The following TMPRSS15 variants were observed in gnomAD, a reference collection of about 807,000 sequenced individuals.
The protein encoded by TMPRSS15 is transmembrane serine protease 15.
In TMPRSS15, 128 loss-of-function variants were observed where a neutral mutation model predicts 125.3. The observed-to-expected ratio is 1.02, with a 90% CI of 0.89 to 1.18. The LOEUF is 1.18. Among genes scored for constraint, TMPRSS15 ranks in the 50% most tolerant of loss-of-function variants. The pLI is 0.00. For missense variants in TMPRSS15, 1,283 were observed against 1,212.7 expected, an observed-to-expected ratio of 1.06 and a Z score of -0.86; for synonymous variants, 446 against 423.2, an observed-to-expected ratio of 1.05 and a Z score of -0.66.
At chr21:18,373,632 T>C (rs531665641) in intron 5 of TMPRSS15, among the ~76,000 whole-genome samples, 1 of 152,318 alleles carries the variant, frequency 6.6e-6, no homozygotes, top group Non-Finnish European at 1.5e-5. Context: ...GTGTCTTATT[T>C]TACAAGTAGC....
intron 1 of TMPRSS15, among the ~76,000 whole-genome samples, chr21:18,433,763 T>C (rs907199437): frequency 1.3e-5 from 2 of 151,834 alleles, no homozygotes; most frequent in Non-Finnish European, 2.9e-5. Flanking sequence ...CAGATATACC[T>C]TCTAGCTGTT....
At chr21:18,457,097 T>C (rs1200945215) in intron 1 of TMPRSS15, among the ~76,000 whole-genome samples, 8 of 152,108 alleles carry the variant, frequency 5.3e-5, no homozygotes, top group Non-Finnish European at 1.2e-4. Flanking sequence ...TATCTAAGCC[T>C]CAATTTCCTA....
At position 18,403,546 on chromosome 21, in the gene TMPRSS15, G is replaced by T; in HGVS notation, c.77C>A (p.Ala26Asp). The T allele has an allele frequency of 6.2e-7, 1 of 1,614,128 alleles. No individual in the cohort carries two copies. Among genetic ancestry groups the T allele is most frequent in the African/African-American group, 1.3e-5 (1 of 75,050 alleles). The change falls in exon 1 of 25, where the codon GCC becomes GAC. Residue 26 changes from alanine to aspartate, a missense_variant. Coordinates refer to ENST00000284885, the MANE Select transcript of TMPRSS15 (RefSeq NM_002772.3). Reference protein sequence around the residue: ...SYEIMFAALFAILVVLCAGLI... With the variant: ...SYEIMFAALFDILVVLCAGLI... ...TCCAGCACAGAGCACTACCAATATG[G>T]CAAAGAGAGCTGCAAACATGATTTC... is the stretch of plus-strand genomic sequence containing the variant.
rs568496761 is a variant in TMPRSS15, at chr21:18,333,177, T to C, written c.1565-1004A>G. On this transcript the variant is annotated intron_variant, in intron 13 of 24. Coordinates refer to ENST00000284885, the MANE Select transcript of TMPRSS15 (RefSeq NM_002772.3). ...TTAATAGCTGGGTGATAAAATAATC[T>C]GTACAACCAACCTCCATGACACGAG... 3.5e-4 allele frequency among the ~76,000 whole-genome samples: 54 copies of C among 152,192 alleles called. No homozygotes were observed. In the South Asian group the frequency reaches 0.01, roughly 29 times the overall value.
At chr21:18,482,113 ATATACT>A (rs1015853713) in intron 1 of TMPRSS15, among the ~76,000 whole-genome samples, 1 of 151,362 alleles carries the variant, frequency 6.6e-6, no homozygotes, top group Non-Finnish European at 1.5e-5. Context: ...ATTTTTCTAA[ATATACT>A]TATTGTATTG....
intron 1 of TMPRSS15, among the ~76,000 whole-genome samples, chr21:18,409,844 TC>T (rs1426719677): frequency 8.7e-5 from 8 of 91,498 alleles, no homozygotes; most frequent in African/African-American, 3.5e-4. Context: ...CTCCCTCCTT[TC>T]CCCCTTCCTT....
intron 1 of TMPRSS15, among the ~76,000 whole-genome samples, chr21:18,422,452 G>T (rs1251924565): frequency 6.6e-6 from 1 of 152,068 alleles, no homozygotes; most frequent in Non-Finnish European, 1.5e-5. Context: ...ATCACTTCAT[G>T]ATGTTATTTT....
At chr21:18,408,978 G>T (rs1018322245) in intron 1 of TMPRSS15, among the ~76,000 whole-genome samples, 1 of 151,978 alleles carries the variant, frequency 6.6e-6, no homozygotes, top group African/African-American at 2.4e-5. Flanking sequence ...ATCATCATCA[G>T]TCAGCTTGTT....
At chr21:18,297,155 T>C (rs1056584723) in intron 19 of TMPRSS15, among the ~76,000 whole-genome samples, 1 of 152,202 alleles carries the variant, frequency 6.6e-6, no homozygotes, top group African/African-American at 2.4e-5. Flanking sequence ...AACAGATCTT[T>C]GAATACAGGA....
intron 10 of TMPRSS15, among the ~76,000 whole-genome samples, chr21:18,345,129 A>G (rs2075491300): frequency 6.6e-6 from 1 of 152,250 alleles, no homozygotes; most frequent in Non-Finnish European, 1.5e-5. Flanking sequence ...TGTTTTATCA[A>G]GGTGAAATTA....
At chr21:18,365,863 T>G (rs1478229100) in intron 6 of TMPRSS15, among the ~76,000 whole-genome samples, 1 of 148,374 alleles carries the variant, frequency 6.7e-6, no homozygotes, top group Non-Finnish European at 1.5e-5. Flanking sequence ...GCCTCCGGAG[T>G]AGCTGGGATT....
intron 23 of TMPRSS15, among the ~76,000 whole-genome samples, chr21:18,276,958 G>T (rs978951636): frequency 1.5e-4 from 23 of 151,668 alleles, no homozygotes; most frequent in Non-Finnish European, 2.9e-5. Flanking sequence ...TAGAGACGGG[G>T]TTTCACCATG....
intron 5 of TMPRSS15, among the ~76,000 whole-genome samples, chr21:18,373,834 C>G (rs1339236086): frequency 6.6e-6 from 1 of 152,140 alleles, no homozygotes; most frequent in Non-Finnish European, 1.5e-5. Context: ...TTGGACTTGA[C>G]TGATCTCATG....
chr21:18,468,562 T>C (rs1978713172), intron 1 of TMPRSS15, among the ~76,000 whole-genome samples: 1 of 152,112 alleles, frequency 6.6e-6, no homozygotes, highest in African/African-American at 2.4e-5. Context: ...AAGTTTTGCC[T>C]TTTTTTATTT....
At chr21:18,455,725 G>A (rs1978428110) in intron 1 of TMPRSS15, among the ~76,000 whole-genome samples, 1 of 152,126 alleles carries the variant, frequency 6.6e-6, no homozygotes, top group South Asian at 2.1e-4. Flanking sequence ...TTTTAGGTTA[G>A]CTATCAACAG....
chr21:18,414,229 T>C (rs1248775055), intron 1 of TMPRSS15, among the ~76,000 whole-genome samples: 5 of 152,218 alleles, frequency 3.3e-5, no homozygotes, highest in Non-Finnish European at 7.3e-5. Flanking sequence ...ATTTAATGTA[T>C]ACAATTTGAT....
At chr21:18,369,942 T>C (rs902962229) in intron 6 of TMPRSS15, among the ~76,000 whole-genome samples, 3 of 142,918 alleles carry the variant, frequency 2.1e-5, no homozygotes, top group African/African-American at 5.2e-5. Context: ...TTCGAATTTA[T>C]TTACCAAAAT....
At chr21:18,475,777 T>C (rs1770904440) in intron 1 of TMPRSS15, among the ~76,000 whole-genome samples, 1 of 152,248 alleles carries the variant, frequency 6.6e-6, no homozygotes, top group African/African-American at 2.4e-5. Context: ...TGTGCTATAA[T>C]TTAAGACAAA....
chr21:18,465,267 A>G (rs1978637091), intron 1 of TMPRSS15, among the ~76,000 whole-genome samples: 1 of 152,198 alleles, frequency 6.6e-6, no homozygotes, highest in African/African-American at 2.4e-5. Flanking sequence ...ATCTCAAAAT[A>G]ATAAGAGCTA....
Sources: gnomAD v4.1 joint callset for allele counts (sites outside exome capture counted in the v4.1 genomes callset) on GRCh38, gnomAD v4.1.1 for gene constraint, MANE v1.5 for transcripts, NCBI Gene and HGNC (gene_info 2026-07-23, HGNC 2026-07-21) for gene names.